GCSH: variants seen among roughly 807,000 people sequenced by gnomAD.
GCSH encodes glycine cleavage system protein H, also known as glycine cleavage system H protein, mitochondrial.
A neutral mutation model predicts 21.3 loss-of-function variants in GCSH; 15 were observed. The observed-to-expected ratio is 0.70, with a 90% confidence interval of 0.47 to 1.08. The LOEUF (loss-of-function observed/expected upper bound fraction) is 1.08. Ranked by LOEUF, GCSH falls within the 50% of genes least tolerant of loss-of-function variation. GCSH has a pLI of 0.00. For missense variants in GCSH, 179 were observed against 217.5 expected, an observed-to-expected ratio of 0.82 and a Z score of 1.11; for synonymous variants, 59 against 84.5, an observed-to-expected ratio of 0.70 and a Z score of 1.66.
chr16:81,083,192 T>C, intron 4 of GCSH: 1 of 534,262 alleles, frequency 1.9e-6, no homozygotes, highest in East Asian at 3.6e-5. Context: ...TTAAGAACTC[T>C]TAGGTTGTAA....
chr16:81,091,608 T>A (rs1032678642), intron 1 of GCSH, among the ~76,000 whole-genome samples: 5 of 152,196 alleles, frequency 3.3e-5, no homozygotes, highest in African/African-American at 4.8e-5. Context: ...AGTATTTTTC[T>A]AAAAACAATG....
chr16:81,095,867 C>T (rs1972494968), intron 1 of GCSH, among the ~76,000 whole-genome samples: 2 of 152,150 alleles, frequency 1.3e-5, no homozygotes, highest in African/African-American at 2.4e-5. Context: ...CGGGCCACCC[C>T]CGCCTCGGTG....
intron 4 of GCSH, chr16:81,084,055 C>G (rs1247881457): frequency 3.5e-6 from 1 of 285,944 alleles, no homozygotes; most frequent in Non-Finnish European, 6.6e-6. Context: ...TCACTATAGA[C>G]TGCAGCCTTG....
intron 2 of GCSH, among the ~76,000 whole-genome samples, chr16:81,089,374 T>C (rs1487956859): frequency 6.6e-6 from 1 of 152,198 alleles, no homozygotes; most frequent in Non-Finnish European, 1.5e-5. Context: ...TTTTGGAGTA[T>C]TTCAGGGATT....
intron 3 of GCSH, among the ~76,000 whole-genome samples, chr16:81,085,854 C>G (rs531129888): frequency 3.7e-5 from 5 of 134,694 alleles, no homozygotes; most frequent in African/African-American, 1.4e-4. Flanking sequence ...TGTGAGACTC[C>G]GTCTCAAAAA....
At position 81,082,763 on chromosome 16, in the gene GCSH, G is replaced by A. The variant is rs563018187; in HGVS notation, c.*103C>T. The A allele has an allele frequency of 1.8e-4, 122 of 665,714 alleles. No individual in the cohort carries two copies. In the East Asian group the frequency reaches 3.1e-3, roughly 17 times the overall value. The allele number at this position is 665,714 out of a possible 1,614,324, so 41.2% of individuals were successfully genotyped here. On this transcript the variant is annotated 3_prime_UTR_variant, in exon 5 of 5. Coordinates refer to ENST00000315467, the MANE Select transcript of GCSH (RefSeq NM_004483.5). ...AACAGTAGTTTTTTTTTCCCCATCG[G>A]TAATACTAAAAGTTTCTATTCTAAG... is the stretch of plus-strand genomic sequence containing the variant.
At chr16:81,085,516 A>C (rs1481928678) in intron 3 of GCSH, among the ~76,000 whole-genome samples, 1 of 152,180 alleles carries the variant, frequency 6.6e-6, no homozygotes, top group Non-Finnish European at 1.5e-5. Flanking sequence ...TCAGAAAAAA[A>C]CAAAATGAAA....
rs970403577 is a variant in GCSH at position 81,082,607 on chromosome 16, A to G, written c.*259T>C. 3 of 372,564 alleles carry G rather than the reference A, an allele frequency of 8.1e-6. No homozygotes were observed. Among genetic ancestry groups the G allele is most frequent in the African/African-American group, 5.2e-5 (2 of 38,708 alleles). 23.1% of individuals were successfully genotyped at this position (372,564 alleles called of 1,614,324 possible). ...GTAATTTTTATAACTAGTTTTTACC[A>G]TGGATAATTTCATGAATTCTGAACA... On this transcript the variant is annotated 3_prime_UTR_variant, in exon 5 of 5. Transcript: ENST00000315467.
At chr16:81,093,926 G>C (rs958817249) in intron 1 of GCSH, among the ~76,000 whole-genome samples, 1 of 152,084 alleles carries the variant, frequency 6.6e-6, no homozygotes, top group East Asian at 1.9e-4. Flanking sequence ...TTTTGAGACA[G>C]AGTCTCACTC....
chr16:81,095,847 C>T (rs1972494461), intron 1 of GCSH, among the ~76,000 whole-genome samples: 1 of 152,088 alleles, frequency 6.6e-6, no homozygotes, highest in Non-Finnish European at 1.5e-5. Context: ...GACCTGCCCG[C>T]CGGACCCGCC....
At chr16:81,087,791 T>C in intron 2 of GCSH, 127 bp from the exon 3 acceptor site, 1 of 723,288 alleles carries the variant, frequency 1.4e-6, no homozygotes, top group East Asian at 2.7e-5. Flanking sequence ...CTGGAGGGGC[T>C]ACATTCTTGA....
At chr16:81,093,211 T>G (rs1356065568) in intron 1 of GCSH, among the ~76,000 whole-genome samples, 1 of 152,180 alleles carries the variant, frequency 6.6e-6, no homozygotes, top group African/African-American at 2.4e-5. Flanking sequence ...ATATAGTTAT[T>G]TGTCTTTAAC....
rs1440030581 is a variant in GCSH at position 81,082,199 on chromosome 16, T to G, written c.*667A>C. On this transcript the variant is annotated 3_prime_UTR_variant, in exon 5 of 5. Transcript: ENST00000315467. ...TTTGTGACTAAAGAAAACATTTTCTTGGAGCTTTGCATTGTTCTGGCTTAA... is the reference window on the plus strand; with the variant it reads ...TTTGTGACTAAAGAAAACATTTTCTGGGAGCTTTGCATTGTTCTGGCTTAA... The G allele has an allele frequency of 4.4e-6, 2 of 453,996 alleles. No homozygotes were observed. The highest frequency in any genetic ancestry group is 2.0e-5 in the African/African-American group (1 of 50,020). The allele number at this position is 453,996 out of a possible 1,614,324, so 28.1% of individuals were successfully genotyped here.
intron 4 of GCSH, chr16:81,084,179 A>G: frequency 1.8e-6 from 1 of 542,300 alleles, no homozygotes; most frequent in Non-Finnish European, 3.3e-6. Flanking sequence ...GAGTTTCACC[A>G]TGTTGCCCAG....
intron 3 of GCSH, 37 bp from the exon 4 acceptor site, chr16:81,084,631 TAA>T (rs1422445211): frequency 1.3e-6 from 2 of 1,509,944 alleles, no homozygotes; most frequent in Non-Finnish European, 1.8e-6. Context: ...CATGAAATGT[TAA>T]AAGTCAGTTA....
intron 4 of GCSH, 147 bp downstream of exon 4, chr16:81,084,314 CCT>C: frequency 1.4e-6 from 1 of 722,172 alleles, no homozygotes; most frequent in Non-Finnish European, 2.5e-6. Flanking sequence ...ATTCAACTAA[CCT>C]CTGTTTTTCT....
chr16:81,095,888 C>G (rs537795480), intron 1 of GCSH, among the ~76,000 whole-genome samples: 3 of 152,268 alleles, frequency 2.0e-5, no homozygotes, highest in African/African-American at 7.2e-5. Flanking sequence ...TCCCGCAGGC[C>G]TCCCCTCCCG....
chr16:81,096,076 G>T, intron 1 of GCSH, 55 bp downstream of exon 1: 1 of 1,224,864 alleles, frequency 8.2e-7, no homozygotes. Context: ...GCTGGGCCCG[G>T]GACAAGCAGC....
At chr16:81,095,996 A>C in intron 1 of GCSH, 135 bp downstream of exon 1, 1 of 698,258 alleles carries the variant, frequency 1.4e-6, no homozygotes, top group Non-Finnish European at 2.0e-6. Flanking sequence ...CAGAAATAAG[A>C]AGGGGGCAGG....
Sources: gnomAD v4.1 joint callset for allele counts (sites outside exome capture counted in the v4.1 genomes callset) on GRCh38, gnomAD v4.1.1 for gene constraint, MANE v1.5 for transcripts, NCBI Gene and HGNC (gene_info 2026-07-23, HGNC 2026-07-21) for gene names.